Variants in DNAJC12 observed in about 807,000 individuals in gnomAD.
DNAJC12 encodes the protein DnaJ heat shock protein family (Hsp40) member C12.
A neutral mutation model predicts 28.5 loss-of-function variants in DNAJC12; 25 were observed. The ratio of observed to expected loss-of-function variants is 0.88; its 90% CI spans 0.64 to 1.22. The LOEUF (loss-of-function observed/expected upper bound fraction) is 1.22, where lower values mean the gene tolerates loss of function less well. Among genes scored for constraint, DNAJC12 ranks in the 50% most tolerant of loss-of-function variants. DNAJC12 has a pLI of 0.00. For synonymous variants in DNAJC12, 77 were observed against 80.6 expected, an observed-to-expected ratio of 0.95 and a Z score of 0.24; for missense variants, 222 against 231.7, an observed-to-expected ratio of 0.96 and a Z score of 0.27.
chr10:67,825,714 T>G (rs1842023283), intron 1 of DNAJC12: 2 of 152,298 alleles, frequency 1.3e-5, no homozygotes, highest in South Asian at 4.1e-4. Context: ...ACTTTTACAA[T>G]CAAAGTCAGA....
intron 4 of DNAJC12, among the ~76,000 whole-genome samples, chr10:67,799,872 G>A (rs1199483501): frequency 1.7e-5 from 1 of 59,080 alleles, no homozygotes; most frequent in Non-Finnish European, 3.8e-5. Flanking sequence ...GACAGAGCGA[G>A]ACTGTCAAAA....
At chr10:67,813,515 C>T (rs1841882838) in intron 2 of DNAJC12, among the ~76,000 whole-genome samples, 2 of 151,372 alleles carry the variant, frequency 1.3e-5, no homozygotes, top group Non-Finnish European at 2.9e-5. Context: ...TTTGGGAGTC[C>T]GAAGTGGGCG....
chr10:67,813,690 G>A (rs1325129540), intron 2 of DNAJC12, among the ~76,000 whole-genome samples: 1 of 151,154 alleles, frequency 6.6e-6, no homozygotes, highest in African/African-American at 2.4e-5. Context: ...CCTGGGAGGC[G>A]GAGGTTGCAG....
intron 4 of DNAJC12, among the ~76,000 whole-genome samples, chr10:67,797,989 G>T (rs964177577): frequency 6.7e-6 from 1 of 149,256 alleles, no homozygotes; most frequent in Non-Finnish European, 1.5e-5. Context: ...GCAGTGAGCC[G>T]AGATAGCGCC....
chr10:67,814,965 A>G (rs886700998), intron 2 of DNAJC12, among the ~76,000 whole-genome samples: 5 of 152,228 alleles, frequency 3.3e-5, no homozygotes, highest in Admixed American at 2.6e-4. Flanking sequence ...AATATTAAGC[A>G]GAGTTGCCAT....
At chr10:67,835,633 T>C (rs1021004579) in intron 1 of DNAJC12, among the ~76,000 whole-genome samples, 4 of 151,008 alleles carry the variant, frequency 2.6e-5, no homozygotes, top group Admixed American at 6.6e-5. Context: ...GAGGTTGCAG[T>C]GACCTGAGAT....
In DNAJC12 at chr10:67,817,436, G is replaced by A. The variant is rs550982364; in HGVS notation, c.158-5773C>T. On this transcript the variant is annotated intron_variant, in intron 2 of 4. Coordinates refer to ENST00000225171, the MANE Select transcript of DNAJC12 (RefSeq NM_021800.3). The stretch of plus-strand genomic sequence containing the variant: ...ACAGTTGAGACTATATTTAGTGGAC[G>A]AAAAAGGTATAGATATAAGTTTAAT... Among the ~76,000 whole-genome samples the A allele has an allele frequency of 3.9e-5, 6 of 152,048 alleles. No homozygotes were observed. The South Asian group carries it at 1.0e-3, about 26-fold the overall frequency.
intron 4 of DNAJC12, among the ~76,000 whole-genome samples, chr10:67,803,758 G>A (rs1841771420): frequency 6.6e-6 from 1 of 152,200 alleles, no homozygotes; most frequent in Non-Finnish European, 1.5e-5. Context: ...TTACATGTAG[G>A]GGAGTGATTG....
In DNAJC12 at chr10:67,800,751, C is replaced by T. The variant is rs138478781; in HGVS notation, c.503-3541G>A. Among the ~76,000 whole-genome samples, 1,345 of 152,162 alleles carry T rather than the reference C, an allele frequency of 8.8e-3. 18 individuals are homozygous for T. The highest frequency in any genetic ancestry group is 0.031 in the African/African-American group (1,273 of 41,498). ...ACGAGGTCAGGAGTTCGAGACCAGC[C>T]TGGCCAACATGGTGAAACTCCGTCT... On this transcript the variant is annotated intron_variant, in intron 4 of 4. Transcript: ENST00000225171.
chr10:67,827,114 C>T (rs578112205), intron 1 of DNAJC12, among the ~76,000 whole-genome samples: 2 of 151,660 alleles, frequency 1.3e-5, no homozygotes, highest in Non-Finnish European at 2.9e-5. Context: ...GGGCTGGGTG[C>T]GGTGGCTCAC....
In DNAJC12 at chr10:67,820,694, G is replaced by A. The variant is rs138463026; in HGVS notation, c.157+2620C>T. 1.1e-4 allele frequency among the ~76,000 whole-genome samples: 17 copies of A among 151,184 alleles called. No individual in the cohort carries two copies. In the East Asian group the frequency reaches 3.3e-3, roughly 29 times the overall value. ...CATATAGAAAAAATGATCTGTTTTTGCAAATCAAAGGAATCAATGATTTCT... is the reference window on the plus strand; with the variant it reads ...CATATAGAAAAAATGATCTGTTTTTACAAATCAAAGGAATCAATGATTTCT... On this transcript the variant is annotated intron_variant, in intron 2 of 4. Coordinates refer to ENST00000225171, the MANE Select transcript of DNAJC12 (RefSeq NM_021800.3).
At chr10:67,819,753 A>AGGGAGG (rs1564863475) in intron 2 of DNAJC12, among the ~76,000 whole-genome samples, 2 of 20,424 alleles carry the variant, frequency 9.8e-5, no homozygotes, top group Admixed American at 5.5e-4. Context: ...GAAGGAAGGA[A>AGGGAGG]GGAAGGAAGG....
chr10:67,812,188 C>T (rs1037038675), intron 2 of DNAJC12, among the ~76,000 whole-genome samples: 26 of 152,004 alleles, frequency 1.7e-4, no homozygotes, highest in Non-Finnish European at 4.4e-5. Flanking sequence ...CTTGTTTGTC[C>T]TTATAAAGCA....
At position 67,832,885 on chromosome 10, in the gene DNAJC12, A is replaced by C. The variant is rs1842107495; in HGVS notation, c.78+5049T>G. 2.6e-5 allele frequency among the ~76,000 whole-genome samples: 4 copies of C among 152,320 alleles called. 1 individual carries two copies. The South Asian group carries it at 8.3e-4, about 32-fold the overall frequency. Reference sequence around the variant, plus strand: ...ACGAAGTGCTCAAGGTCAATAAAGCACATCCATTTCATGCACCCCCACATG... The same window carrying C: ...ACGAAGTGCTCAAGGTCAATAAAGCCCATCCATTTCATGCACCCCCACATG... On this transcript the variant is annotated intron_variant, in intron 1 of 4. Transcript: ENST00000225171.
At chr10:67,835,376 G>C (rs1440083664) in intron 1 of DNAJC12, among the ~76,000 whole-genome samples, 1 of 152,032 alleles carries the variant, frequency 6.6e-6, no homozygotes, top group Non-Finnish European at 1.5e-5. Flanking sequence ...AAATATTTTT[G>C]AAATGAGAAG....
intron 1 of DNAJC12, among the ~76,000 whole-genome samples, chr10:67,831,456 A>T (rs1313980506): frequency 6.6e-6 from 1 of 152,190 alleles, no homozygotes; most frequent in Non-Finnish European, 1.5e-5. Flanking sequence ...AAGCAAGGAA[A>T]TACTCCAGTG....
At chr10:67,797,837 A>G (rs10997811) in intron 4 of DNAJC12, among the ~76,000 whole-genome samples, 23,918 of 151,782 alleles carry the variant, frequency 0.16, 2,138 homozygotes, top group Non-Finnish European at 0.2. Flanking sequence ...TCAGGAGATC[A>G]AGACCATCCT....
intron 2 of DNAJC12, among the ~76,000 whole-genome samples, chr10:67,821,931 G>A (rs926587788): frequency 6.6e-6 from 1 of 152,150 alleles, no homozygotes; most frequent in Non-Finnish European, 1.5e-5. Context: ...AGAGATGGGA[G>A]AACACAGAAA....
intron 3 of DNAJC12, 71 bp downstream of exon 3, chr10:67,811,453 C>A: frequency 6.3e-7 from 1 of 1,597,026 alleles, no homozygotes; most frequent in South Asian, 1.1e-5. Flanking sequence ...ACTCTTTAAG[C>A]TACTACATGA....
Sources: allele counts gnomAD v4.1 joint callset (sites outside exome capture counted in the v4.1 genomes callset), GRCh38; gene constraint gnomAD v4.1.1; transcripts MANE v1.5; gene names NCBI Gene and HGNC (gene_info 2026-07-23, HGNC 2026-07-21).